The following ARHGAP17 variants were observed in gnomAD, a reference collection of about 807,000 sequenced individuals.
ARHGAP17 encodes the protein Rho GTPase activating protein 17.
ARHGAP17 carries 57 observed loss-of-function variants against 99.5 expected under a neutral mutation model. That is an observed-to-expected ratio of 0.57 (90% CI 0.46 to 0.71). The LOEUF (loss-of-function observed/expected upper bound fraction) is 0.71, where lower values mean the gene tolerates loss of function less well. ARHGAP17 is among the 30% of genes least tolerant of loss of function. The probability of loss-of-function intolerance (pLI) is 0.00; values close to 1 mark genes in which losing one functional copy is unlikely to be tolerated. For synonymous variants in ARHGAP17, 417 were observed against 429.6 expected, an observed-to-expected ratio of 0.97 and a Z score of 0.36; for missense variants, 1,000 against 1,122.4, an observed-to-expected ratio of 0.89 and a Z score of 1.56.
At chr16:24,926,773 G>A (rs1164095512) in intron 19 of ARHGAP17, among the ~76,000 whole-genome samples, 1 of 152,138 alleles carries the variant, frequency 6.6e-6, no homozygotes, top group Non-Finnish European at 1.5e-5. Context: ...CTTCTGCAGA[G>A]CATTGTCTTT....
chr16:24,959,185 C>T (rs369478187), intron 9 of ARHGAP17, among the ~76,000 whole-genome samples: 1 of 152,134 alleles, frequency 6.6e-6, no homozygotes, highest in East Asian at 1.9e-4. Flanking sequence ...CTGAACGAAG[C>T]GACCACGGTC....
rs969315155 is a variant in ARHGAP17 at position 24,977,430 on chromosome 16, T to TG, written c.94-112dup. On this transcript the variant is annotated intron_variant, in intron 2 of 19. Coordinates refer to ENST00000289968, the MANE Select transcript of ARHGAP17 (RefSeq NM_001006634.3). ...TACATGCAGGGAAAAGGGATGATCTTGGCTACACCTTGCTATCACACTGAG... is the reference window on the plus strand; with the variant it reads ...TACATGCAGGGAAAAGGGATGATCTTGGGCTACACCTTGCTATCACACTGAG... The TG allele has an allele frequency of 3.7e-6, 3 of 819,024 alleles. No homozygotes were observed. In the African/African-American group the frequency reaches 5.1e-5, roughly 14 times the overall value. 50.7% of individuals were successfully genotyped at this position (819,024 alleles called of 1,614,324 possible).
At chr16:24,960,253 G>C (rs1398700384) in intron 7 of ARHGAP17, among the ~76,000 whole-genome samples, 2 of 152,322 alleles carry the variant, frequency 1.3e-5, no homozygotes, top group Middle Eastern at 3.4e-3. Flanking sequence ...GGTTAAAAAA[G>C]GGGTGGAATG....
At chr16:24,940,152 G>C (rs1022298219) in intron 16 of ARHGAP17, among the ~76,000 whole-genome samples, 2 of 151,994 alleles carry the variant, frequency 1.3e-5, no homozygotes, top group African/African-American at 4.8e-5. Flanking sequence ...TCAAACTCCT[G>C]GCCTCAAGTA....
In ARHGAP17 at chr16:24,968,782, CA is replaced by C; in HGVS notation, c.273-11del. Reference sequence around the variant, plus strand: ...CGTCTCCAGCATCTTCCTTTAAAAACAAGACCCCCAACAACGAGCACGTGCT... The same window carrying C: ...CGTCTCCAGCATCTTCCTTTAAAAACAGACCCCCAACAACGAGCACGTGCT... On this transcript the variant is annotated splice_polypyrimidine_tract_variant and intron_variant, in intron 4 of 19. Coordinates refer to ENST00000289968, the MANE Select transcript of ARHGAP17 (RefSeq NM_001006634.3). The C allele has an allele frequency of 6.2e-7, 1 of 1,613,882 alleles. No homozygotes were observed. The highest frequency in any genetic ancestry group is 8.5e-7 in the Non-Finnish European group (1 of 1,179,798).
At chr16:24,985,412 G>A (rs1270234540) in intron 1 of ARHGAP17, among the ~76,000 whole-genome samples, 1 of 152,204 alleles carries the variant, frequency 6.6e-6, no homozygotes, top group African/African-American at 2.4e-5. Flanking sequence ...GGACATGCAA[G>A]GGGAGCATCT....
chr16:24,968,342 A>G lies in ARHGAP17; in HGVS notation c.461+9T>C. 2 of 1,614,120 alleles carry G rather than the reference A, an allele frequency of 1.2e-6. No homozygotes were observed. The highest frequency in any genetic ancestry group is 1.7e-6 in the Non-Finnish European group (2 of 1,179,958). On this transcript the variant is annotated intron_variant, in intron 6 of 19. Coordinates refer to ENST00000289968, the MANE Select transcript of ARHGAP17 (RefSeq NM_001006634.3). The stretch of plus-strand genomic sequence containing the variant: ...GACACAATGCTGCATTGCTGGCTCA[A>G]GCTGTTACCTGGCTCTGACTGAATC...
intron 1 of ARHGAP17, 49 bp from the exon 2 acceptor site, chr16:24,979,054 C>A: frequency 1.5e-6 from 2 of 1,314,468 alleles, no homozygotes; most frequent in South Asian, 1.3e-5. Context: ...AAATGAAAGG[C>A]AACTCCTAAA....
At chr16:24,938,091 G>C (rs955417408) in intron 17 of ARHGAP17, among the ~76,000 whole-genome samples, 4 of 152,138 alleles carry the variant, frequency 2.6e-5, no homozygotes, top group African/African-American at 9.7e-5. Flanking sequence ...GGCTGGGCGC[G>C]GTGGCTCACA....
intron 1 of ARHGAP17, among the ~76,000 whole-genome samples, chr16:25,010,432 G>A (rs947626934): frequency 1.3e-5 from 2 of 152,166 alleles, no homozygotes; most frequent in African/African-American, 4.8e-5. Context: ...CGAAATCCAA[G>A]CCAGGTGGTT....
rs1236206282 is a variant in ARHGAP17 at position 24,920,090 on chromosome 16, G to A, written c.*40C>T. 9 of 1,604,592 alleles carry A rather than the reference G, an allele frequency of 5.6e-6. No homozygotes were observed. The highest frequency in any genetic ancestry group is 3.3e-5 in the South Asian group (3 of 90,770). ...AGGTTCGCCTGCCCCTGCTCCACTC[G>A]CCAGGGTGGAAGTGGTGGAGGGCTG... On this transcript the variant is annotated 3_prime_UTR_variant, in exon 20 of 20. Transcript: ENST00000289968.
chr16:24,980,009 C>T (rs1324397891), intron 1 of ARHGAP17, among the ~76,000 whole-genome samples: 2 of 152,042 alleles, frequency 1.3e-5, no homozygotes, highest in South Asian at 2.1e-4. Flanking sequence ...CCGCGCCTGG[C>T]GTGAAGGAAA....
chr16:24,953,809 A>C (rs1030548234), intron 10 of ARHGAP17, among the ~76,000 whole-genome samples: 3 of 152,146 alleles, frequency 2.0e-5, no homozygotes, highest in African/African-American at 7.2e-5. Context: ...ATACCTCCAG[A>C]CCTTGACAAA....
intron 1 of ARHGAP17, among the ~76,000 whole-genome samples, chr16:24,982,654 G>T (rs2052707649): frequency 6.6e-6 from 1 of 151,958 alleles, no homozygotes; most frequent in Non-Finnish European, 1.5e-5. Context: ...CCTCATCACT[G>T]TGACTGGTCC....
chr16:24,972,246 G>A (rs1174319512), intron 3 of ARHGAP17, among the ~76,000 whole-genome samples: 1 of 152,174 alleles, frequency 6.6e-6, no homozygotes, highest in Non-Finnish European at 1.5e-5. Context: ...GGGGAAATGG[G>A]CTAGGAGGCA....
Position 25,003,038 on chromosome 16 carries a change from C to CAAAAA in ARHGAP17, c.53+12166_53+12170dup, listed in dbSNP as rs1177218423. The stretch of plus-strand genomic sequence containing the variant: ...TGGGGAACAGAGCGAGACTCCGTCT[C>CAAAAA]AAAAAAAAAAAAAAAAAAAAAAGAG... On this transcript the variant is annotated intron_variant, in intron 1 of 19. Transcript: ENST00000289968. Among the ~76,000 whole-genome samples, 233 of 52,930 alleles carry CAAAAA rather than the reference C, an allele frequency of 4.4e-3. 4 individuals are homozygous for CAAAAA. The highest frequency in any genetic ancestry group is 0.015 in the East Asian group (21 of 1,430). 34.7% of individuals were successfully genotyped at this position (52,930 alleles called of 152,430 possible).
intron 1 of ARHGAP17, among the ~76,000 whole-genome samples, chr16:24,999,551 G>A (rs1300308773): frequency 6.6e-6 from 1 of 151,962 alleles, no homozygotes; most frequent in African/African-American, 2.4e-5. Flanking sequence ...GAAATAGCTG[G>A]GACTACAGGG....
rs1346190765 is a variant in ARHGAP17, at chr16:24,959,707, A to C, written c.688T>G (p.Leu230Val). 8 of 1,614,180 alleles carry C rather than the reference A, an allele frequency of 5.0e-6. No individual in the cohort carries two copies. Among genetic ancestry groups the C allele is most frequent in the Non-Finnish European group, 6.8e-6 (8 of 1,180,036 alleles). ...CGCATTTCGGGGAGGGTCTTTTCTA[A>C]GACTGCTAATGCTTTTCTATGGTAA... ...ADYHRKALAVLEKTLPEMRAH... is the reference protein window; with the variant it reads ...ADYHRKALAVVEKTLPEMRAH... The change falls in exon 9 of 20, where the codon TTA becomes GTA. Residue 230 changes from leucine to valine, a missense_variant. Coordinates refer to ENST00000289968, the MANE Select transcript of ARHGAP17 (RefSeq NM_001006634.3).
chr16:24,961,911 T>TTATATATATATATATATATA lies in ARHGAP17; in HGVS notation c.574-1933_574-1932insTATATATATATATATATATA, dbSNP rs67952203. Among the ~76,000 whole-genome samples the TTATATATATATATATATATA allele has an allele frequency of 9.7e-4, 126 of 129,990 alleles. 1 individual carries two copies. The highest frequency in any genetic ancestry group is 3.8e-3 in the Middle Eastern group (1 of 260). The allele number at this position is 129,990 out of a possible 152,430, so 85.3% of individuals were successfully genotyped here. A position where few individuals can be genotyped will look rare whatever the true frequency, so the allele number is the denominator to read the frequency against. ...TCAAATATAAATATACATAGGAATTTTATATATATATATATATATGAAAAC... is the reference window on the plus strand; with the variant it reads ...TCAAATATAAATATACATAGGAATTTTATATATATATATATATATATATATATATATATATATATGAAAAC... On this transcript the variant is annotated intron_variant, in intron 7 of 19. Transcript: ENST00000289968.
Sources: gnomAD v4.1 joint callset for allele counts (sites outside exome capture counted in the v4.1 genomes callset) on GRCh38, gnomAD v4.1.1 for gene constraint, MANE v1.5 for transcripts, NCBI Gene and HGNC (gene_info 2026-07-23, HGNC 2026-07-21) for gene names.